Variants in SGCZ observed in about 807,000 individuals in gnomAD.
SGCZ encodes the protein zeta-sarcoglycan.
A neutral mutation model predicts 41.3 loss-of-function variants in SGCZ; 40 were observed. The observed-to-expected ratio is 0.97, with a 90% CI of 0.75 to 1.26. SGCZ has a LOEUF of 1.26. Among genes scored for constraint, SGCZ ranks in the 50% most tolerant of loss-of-function variants. The pLI is 0.00. For synonymous variants in SGCZ, 206 were observed against 137.5 expected (o/e 1.50, Z -3.49); for missense variants, 552 against 369.8 (o/e 1.49, Z -4.04).
intron 1 of SGCZ, among the ~76,000 whole-genome samples, chr8:14,752,182 C>T (rs1476664585): frequency 6.7e-6 from 1 of 148,384 alleles, no homozygotes; most frequent in Non-Finnish European, 1.5e-5. Flanking sequence ...TTTACATTTC[C>T]TTGCATCATT....
intron 2 of SGCZ, among the ~76,000 whole-genome samples, chr8:14,411,101 TATC>T (rs1364849157): frequency 6.6e-6 from 1 of 152,132 alleles, no homozygotes; most frequent in East Asian, 1.9e-4. Context: ...GAAATTAAAA[TATC>T]ATTATGGCGC....
intron 2 of SGCZ, among the ~76,000 whole-genome samples, chr8:14,402,943 T>C (rs1324122242): frequency 1.3e-5 from 2 of 149,902 alleles, no homozygotes; most frequent in Non-Finnish European, 2.9e-5. Flanking sequence ...CTTCCATTTG[T>C]TTTTATCCTC....
chr8:14,403,422 G>C (rs1799131138), intron 2 of SGCZ, among the ~76,000 whole-genome samples: 2 of 151,500 alleles, frequency 1.3e-5, no homozygotes, highest in Admixed American at 6.6e-5. Context: ...TATTGGCTGT[G>C]GGTTTGTCAT....
chr8:14,870,964 T>G (rs1335697626), intron 1 of SGCZ, among the ~76,000 whole-genome samples: 4 of 151,996 alleles, frequency 2.6e-5, no homozygotes, highest in Non-Finnish European at 5.9e-5. Context: ...TATCACCACT[T>G]TGGGAGGCCG....
intron 4 of SGCZ, among the ~76,000 whole-genome samples, chr8:14,171,285 C>T (rs1457852546): frequency 6.6e-6 from 1 of 151,700 alleles, no homozygotes; most frequent in East Asian, 1.9e-4. Flanking sequence ...TTTCTTTCTA[C>T]CATGCATTTT....
At chr8:14,764,557 C>G (rs1411921457) in intron 1 of SGCZ, among the ~76,000 whole-genome samples, 1 of 152,110 alleles carries the variant, frequency 6.6e-6, no homozygotes, top group African/African-American at 2.4e-5. Context: ...AAACCATAAC[C>G]TATATACAAA....
chr8:14,458,980 C>T (rs563313670), intron 2 of SGCZ, among the ~76,000 whole-genome samples: 19 of 152,216 alleles, frequency 1.2e-4, no homozygotes, highest in South Asian at 1.2e-3. Flanking sequence ...GACATAGTGG[C>T]CAACTTGACA....
chr8:14,536,141 GA>G (rs1803289849), intron 2 of SGCZ, among the ~76,000 whole-genome samples: 1 of 151,762 alleles, frequency 6.6e-6, no homozygotes, highest in Admixed American at 6.6e-5. Context: ...ATATACATAT[GA>G]AAAGTATTTT....
chr8:14,882,106 C>T (rs376225666), intron 1 of SGCZ, among the ~76,000 whole-genome samples: 56 of 152,324 alleles, frequency 3.7e-4, no homozygotes, highest in African/African-American at 1.3e-3. Flanking sequence ...GCACTAAATG[C>T]TCACATCAAA....
At chr8:15,136,400 G>C (rs1303614775) in intron 1 of SGCZ, among the ~76,000 whole-genome samples, 2 of 151,868 alleles carry the variant, frequency 1.3e-5, no homozygotes, top group East Asian at 1.9e-4. Flanking sequence ...CTTGATAAGA[G>C]GCATGAGCTT....
chr8:14,594,177 A>T (rs542018697), intron 1 of SGCZ, among the ~76,000 whole-genome samples: 9 of 136,210 alleles, frequency 6.6e-5, no homozygotes, highest in East Asian at 2.2e-4. Context: ...TCCATCTCAA[A>T]AAATAAATAA....
intron 2 of SGCZ, among the ~76,000 whole-genome samples, chr8:14,451,467 C>T (rs965227624): frequency 5.3e-5 from 8 of 152,210 alleles, no homozygotes; most frequent in African/African-American, 1.9e-4. Flanking sequence ...TTTGAGAAGG[C>T]TACCTTTTCA....
chr8:15,203,096 C>A (rs570306561), intron 1 of SGCZ, among the ~76,000 whole-genome samples: 4 of 151,810 alleles, frequency 2.6e-5, no homozygotes, highest in African/African-American at 7.2e-5. Context: ...GGTGACAGAA[C>A]AAGACTCAGT....
At chr8:14,885,564 G>A (rs1804755515) in intron 1 of SGCZ, among the ~76,000 whole-genome samples, 1 of 151,974 alleles carries the variant, frequency 6.6e-6, no homozygotes, top group Non-Finnish European at 1.5e-5. Flanking sequence ...TTCACAGCCG[G>A]CATTATGATC....
chr8:14,182,779 G>C (rs1411592078), intron 4 of SGCZ, among the ~76,000 whole-genome samples: 1 of 151,998 alleles, frequency 6.6e-6, no homozygotes, highest in East Asian at 1.9e-4. Flanking sequence ...GAGGCCGAGA[G>C]GGGGCGGATC....
chr8:14,563,216 T>C lies in SGCZ; in HGVS notation c.40-8290A>G, dbSNP rs1273395636. On this transcript the variant is annotated intron_variant, in intron 1 of 7. Coordinates refer to ENST00000382080, the MANE Select transcript of SGCZ (RefSeq NM_139167.4). ...GGATTTCAGTGTCTGAGATTTAGGATACCTGCAAGTAAAAGTACAGTCTTC... is the reference window on the plus strand; with the variant it reads ...GGATTTCAGTGTCTGAGATTTAGGACACCTGCAAGTAAAAGTACAGTCTTC... Among the ~76,000 whole-genome samples, 3 of 152,150 alleles carry C rather than the reference T, an allele frequency of 2.0e-5. No homozygotes were observed. The East Asian group carries it at 5.8e-4, about 29-fold the overall frequency.
chr8:15,109,525 A>G (rs1036523444), intron 1 of SGCZ, among the ~76,000 whole-genome samples: 1 of 152,182 alleles, frequency 6.6e-6, no homozygotes, highest in East Asian at 1.9e-4. Context: ...GTCACAGAAG[A>G]TTTAATTGCA....
At position 14,554,903 on chromosome 8, in the gene SGCZ, T is replaced by C. The variant is rs1188299902; in HGVS notation, c.63A>G (p.Leu21=). 1.2e-6 allele frequency: 2 copies of C among 1,612,240 alleles called. No individual in the cohort carries two copies. Among genetic ancestry groups the C allele is most frequent in the Admixed American group, 3.3e-5 (2 of 59,786 alleles). ...ELKMTREQYI[L]ATQQNNLPRT... Reference sequence around the variant, plus strand: ...TTGGCAGGTTATTCTGTTGGGTTGCTAGTATGTATTGTTCTCGTGTCATCT... The same window carrying C: ...TTGGCAGGTTATTCTGTTGGGTTGCCAGTATGTATTGTTCTCGTGTCATCT... Residue 21 remains leucine, a synonymous_variant, in exon 2 of 8, where the codon CTA becomes CTG. Coordinates refer to ENST00000382080, the MANE Select transcript of SGCZ (RefSeq NM_139167.4).
chr8:14,787,991 C>T (rs1019072180), intron 1 of SGCZ, among the ~76,000 whole-genome samples: 8 of 152,038 alleles, frequency 5.3e-5, no homozygotes, highest in African/African-American at 1.7e-4. Flanking sequence ...CAGATGACCA[C>T]GATAATCAGT....
Sources: allele counts gnomAD v4.1 joint callset (sites outside exome capture counted in the v4.1 genomes callset), GRCh38; gene constraint gnomAD v4.1.1; transcripts MANE v1.5; gene names NCBI Gene and HGNC (gene_info 2026-07-23, HGNC 2026-07-21).